The following CLCA1 variants were observed in gnomAD, a reference collection of about 807,000 sequenced individuals.
CLCA1 encodes chloride channel accessory 1, also known as calcium-activated chloride channel regulator 1.
A neutral mutation model predicts 85.6 loss-of-function variants in CLCA1; 59 were observed. The ratio of observed to expected loss-of-function variants is 0.69; its 90% CI spans 0.56 to 0.86. The LOEUF (loss-of-function observed/expected upper bound fraction) is 0.86, where lower values mean the gene tolerates loss of function less well. Ranked by LOEUF, CLCA1 falls within the 40% of genes least tolerant of loss-of-function variation. The probability of loss-of-function intolerance (pLI) is 0.00; values close to 1 mark genes in which losing one functional copy is unlikely to be tolerated. For missense variants in CLCA1, 1,022 were observed against 1,101.4 expected, an observed-to-expected ratio of 0.93 and a Z score of 1.02; for synonymous variants, 396 against 398.3, an observed-to-expected ratio of 0.99 and a Z score of 0.07.
chr1:86,491,813 G>A (rs1255627067), intron 9 of CLCA1, among the ~76,000 whole-genome samples: 1 of 152,102 alleles, frequency 6.6e-6, no homozygotes, highest in Non-Finnish European at 1.5e-5. Flanking sequence ...TGGACAGAAA[G>A]TGCTTTGTAC....
At chr1:86,496,734 C>T (rs5744414) in intron 12 of CLCA1, among the ~76,000 whole-genome samples, 62,802 of 151,992 alleles carry the variant, frequency 0.41, 13,652 homozygotes, top group Non-Finnish European at 0.49. Flanking sequence ...TTAAAAGATA[C>T]CACTGCATTT....
chr1:86,496,495 G>C (rs1333945922), intron 12 of CLCA1, among the ~76,000 whole-genome samples: 2 of 152,190 alleles, frequency 1.3e-5, no homozygotes, highest in Admixed American at 1.3e-4. Flanking sequence ...CCCTGGACTA[G>C]AGAAGGAATT....
Position 86,484,013 on chromosome 1 carries a change from C to T in CLCA1, c.736-1330C>T, listed in dbSNP as rs144907628. Among the ~76,000 whole-genome samples the T allele has an allele frequency of 1.7e-3, 254 of 152,198 alleles. 1 individual carries two copies. The highest frequency in any genetic ancestry group is 6.8e-3 in the Middle Eastern group (2 of 294). On this transcript the variant is annotated intron_variant, in intron 5 of 13. Transcript: ENST00000394711. Reference sequence around the variant, plus strand: ...AGAGAGAGAATGCAAGGGAAATTGCCGCTTACAAAATCATCAGATTACGTG... The same window carrying T: ...AGAGAGAGAATGCAAGGGAAATTGCTGCTTACAAAATCATCAGATTACGTG...
chr1:86,474,179 T>C (rs1647579117), intron 3 of CLCA1, among the ~76,000 whole-genome samples: 1 of 152,246 alleles, frequency 6.6e-6, no homozygotes, highest in Non-Finnish European at 1.5e-5. Context: ...TTTCTATGGA[T>C]ATGTAAGGAG....
rs150964653 is a variant in CLCA1 at position 86,496,102 on chromosome 1, G to A, written c.2113+427G>A. Among the ~76,000 whole-genome samples, 5 of 152,158 alleles carry A rather than the reference G, an allele frequency of 3.3e-5. No homozygotes were observed. The East Asian group carries it at 9.6e-4, about 29-fold the overall frequency. ...TCTGTTGTAAAATAAGGATAATAAT[G>A]GCAGCTACCTCATAGGATGGTCACA... On this transcript the variant is annotated intron_variant, in intron 12 of 13. Transcript: ENST00000394711.
intron 1 of CLCA1, 94 bp from the exon 2 acceptor site, chr1:86,473,323 T>C: frequency 1.1e-6 from 1 of 908,672 alleles, no homozygotes; most frequent in South Asian, 2.0e-5. Flanking sequence ...AATAACAAGT[T>C]TTTGAAAATG....
intron 5 of CLCA1, among the ~76,000 whole-genome samples, chr1:86,483,950 G>A (rs947598155): frequency 1.3e-5 from 2 of 152,172 alleles, no homozygotes; most frequent in African/African-American, 4.8e-5. Flanking sequence ...ATGGTGGAAG[G>A]CGAAGGAGAA....
intron 5 of CLCA1, among the ~76,000 whole-genome samples, chr1:86,483,208 G>C (rs1322079807): frequency 6.6e-6 from 1 of 152,152 alleles, no homozygotes; most frequent in Non-Finnish European, 1.5e-5. Flanking sequence ...AAACTTCCAG[G>C]AGGAGGCCCA....
intron 3 of CLCA1, 32 bp downstream of exon 3, chr1:86,473,908 A>G (rs754522662): frequency 1.3e-5 from 20 of 1,529,272 alleles, no homozygotes; most frequent in South Asian, 3.7e-5. Flanking sequence ...TTCTCATACA[A>G]TTTAACTATT....
intron 12 of CLCA1, among the ~76,000 whole-genome samples, chr1:86,496,122 G>A (rs975601456): frequency 1.3e-5 from 2 of 152,112 alleles, no homozygotes; most frequent in African/African-American, 4.8e-5. Context: ...TCATAGGATG[G>A]TCACACAGAA....
chr1:86,470,204 T>C (rs1018114538), intron 1 of CLCA1, among the ~76,000 whole-genome samples: 2 of 152,082 alleles, frequency 1.3e-5, no homozygotes, highest in African/African-American at 4.8e-5. Context: ...AAGAAAACCA[T>C]CTCTACAGTG....
chr1:86,476,859 A>G (rs1215850999), intron 4 of CLCA1, among the ~76,000 whole-genome samples: 1 of 152,134 alleles, frequency 6.6e-6, no homozygotes, highest in East Asian at 1.9e-4. Context: ...TACCAGCATC[A>G]GTGACGTAAG....
At chr1:86,469,762 G>T (rs572900081) in intron 1 of CLCA1, among the ~76,000 whole-genome samples, 1 of 152,266 alleles carries the variant, frequency 6.6e-6, no homozygotes, top group East Asian at 1.9e-4. Context: ...ACAACAAACA[G>T]CTAAAACTAA....
chr1:86,491,089 G>C (rs2753341), intron 8 of CLCA1, among the ~76,000 whole-genome samples, 176 bp from the exon 9 acceptor site: 2 of 151,506 alleles, frequency 1.3e-5, no homozygotes, highest in African/African-American at 4.9e-5. Flanking sequence ...AAAATAAATA[G>C]GTTAAAAAAA....
rs1648418636 is a variant in CLCA1 at position 86,500,145 on chromosome 1, T to C, written c.*100T>C. The C allele has an allele frequency of 4.3e-6, 3 of 701,102 alleles. No homozygotes were observed. Among genetic ancestry groups the C allele is most frequent in the Non-Finnish European group, 7.2e-6 (3 of 414,864 alleles). 43.4% of individuals were successfully genotyped at this position (701,102 alleles called of 1,614,324 possible). A position where few individuals can be genotyped will look rare whatever the true frequency, so the allele number is the denominator to read the frequency against. ...TTTAGACTTCCTGTAGGGGGCGATATACTAAATGTATATAGTACATTTATA... is the reference window on the plus strand; with the variant it reads ...TTTAGACTTCCTGTAGGGGGCGATACACTAAATGTATATAGTACATTTATA... On this transcript the variant is annotated 3_prime_UTR_variant, in exon 14 of 14. Coordinates refer to ENST00000394711, the MANE Select transcript of CLCA1 (RefSeq NM_001285.4).
Position 86,482,374 on chromosome 1 carries a change from G to A in CLCA1, c.727G>A (p.Val243Ile). The A allele has an allele frequency of 1.2e-6, 2 of 1,613,456 alleles. No individual in the cohort carries two copies. Among genetic ancestry groups the A allele is most frequent in the South Asian group, 1.1e-5 (1 of 90,866 alleles). The change falls in exon 5 of 14, where the codon GTT (valine) becomes ATT (isoleucine). Residue 243 changes from valine to isoleucine, a missense_variant. Transcript: ENST00000394711. ...GGCTTCTATAATGTTTGCACAACAT[G>A]TTGATTCTGTAAGTACCTTGTTCTC... ...EKASIMFAQH[V>I]DSIVEFCTEQ...
chr1:86,488,809 G>A (rs564755548), intron 7 of CLCA1, among the ~76,000 whole-genome samples, 187 bp from the exon 8 acceptor site: 6 of 152,206 alleles, frequency 3.9e-5, no homozygotes, highest in Admixed American at 6.5e-5. Context: ...GAAAGACAGC[G>A]GTCAAGTTCC....
At chr1:86,474,194 C>G (rs1002244435) in intron 3 of CLCA1, among the ~76,000 whole-genome samples, 3 of 152,114 alleles carry the variant, frequency 2.0e-5, no homozygotes, top group African/African-American at 4.8e-5. Context: ...AAGGAGACAA[C>G]GGAATTAAAT....
chr1:86,500,106 T>G lies in CLCA1; in HGVS notation c.*61T>G, dbSNP rs1648416821. 1 of 1,208,554 alleles carries G rather than the reference T, an allele frequency of 8.3e-7. No individual in the cohort carries two copies. Among genetic ancestry groups the G allele is most frequent in the African/African-American group, 1.6e-5 (1 of 64,156 alleles). 74.9% of individuals were successfully genotyped at this position (1,208,554 alleles called of 1,614,324 possible). ...TCATCCTTTTTTTTGATTATAAAAT[T>G]TTCTAAAATGTATTTTAGACTTCCT... On this transcript the variant is annotated 3_prime_UTR_variant, in exon 14 of 14. Transcript: ENST00000394711.
Sources: gnomAD v4.1 joint callset for allele counts (sites outside exome capture counted in the v4.1 genomes callset) on GRCh38, gnomAD v4.1.1 for gene constraint, MANE v1.5 for transcripts, NCBI Gene and HGNC (gene_info 2026-07-23, HGNC 2026-07-21) for gene names.